The following TSPEAR variants were observed in gnomAD, a reference collection of about 807,000 sequenced individuals.
TSPEAR encodes the protein thrombospondin-type laminin G domain and EAR repeat-containing protein.
Under a neutral mutation model 71.6 loss-of-function variants are expected in TSPEAR, and 69 were observed. That is an observed-to-expected ratio of 0.96 (90% confidence interval 0.79 to 1.18). The LOEUF is 1.18. Ranked by LOEUF, TSPEAR falls within the 50% of genes most tolerant of loss-of-function variation. The pLI, the probability that TSPEAR is intolerant of heterozygous loss-of-function variation, is 0.00. For synonymous variants in TSPEAR, 402 were observed against 387.2 expected (o/e 1.04, Z -0.45); for missense variants, 971 against 894.9 (o/e 1.09, Z -1.09).
At chr21:44,628,605 T>C (rs1364243568) in intron 1 of TSPEAR, among the ~76,000 whole-genome samples, 1 of 151,684 alleles carries the variant, frequency 6.6e-6, no homozygotes, top group Non-Finnish European at 1.5e-5. Flanking sequence ...ACTGGCTGAG[T>C]CCCACAGACA....
In TSPEAR at chr21:44,506,058, C is replaced by T. The variant is rs115729327; in HGVS notation, c.1755-1177G>A. On this transcript the variant is annotated intron_variant, in intron 10 of 11. Transcript: ENST00000323084. This position sits in a 1 kb window ranked among gnomAD's most constrained non-coding sequence, Gnocchi z 4.2. ...TGTCTTCAGCTGTGAGGTCAGCGGC[C>T]GTGAGGTCACTCCAGGAGGTGCCTA... Among the ~76,000 whole-genome samples, 1,025 of 152,270 alleles carry T rather than the reference C, an allele frequency of 6.7e-3. 7 individuals carry two copies. The highest frequency in any genetic ancestry group is 0.023 in the African/African-American group (973 of 41,546).
intron 2 of TSPEAR, among the ~76,000 whole-genome samples, chr21:44,543,517 C>T (rs782277306): frequency 2.0e-5 from 3 of 152,144 alleles, no homozygotes; most frequent in African/African-American, 4.8e-5. Flanking sequence ...CACCCAGAAC[C>T]TCCCAATATG....
intron 8 of TSPEAR, among the ~76,000 whole-genome samples, chr21:44,522,733 C>T (rs1226775149): frequency 6.6e-6 from 1 of 152,274 alleles, no homozygotes; most frequent in Admixed American, 6.5e-5. Context: ...CTCACTGTCT[C>T]TGCTGGCACA....
chr21:44,653,379 C>T (rs1302027501), intron 1 of TSPEAR, among the ~76,000 whole-genome samples: 4 of 152,104 alleles, frequency 2.6e-5, no homozygotes, highest in African/African-American at 9.7e-5. Context: ...AAACCCGGGG[C>T]GGAGCCTCTG....
At chr21:44,627,044 A>G in intron 1 of TSPEAR, 1 of 1,418,700 alleles carries the variant, frequency 7.0e-7, no homozygotes, top group Non-Finnish European at 9.6e-7. Context: ...TGGGCCCTGG[A>G]ACAACAAGGC....
intron 2 of TSPEAR, chr21:44,551,410 A>G: frequency 6.2e-7 from 1 of 1,613,424 alleles, no homozygotes; most frequent in Non-Finnish European, 8.5e-7. Flanking sequence ...TCCACCTGCC[A>G]GGAGTTGGTG....
chr21:44,687,945 G>A lies in TSPEAR; in HGVS notation c.82+23488C>T, dbSNP rs1445019592. 6.6e-6 allele frequency among the ~76,000 whole-genome samples: 1 copy of A among 152,222 alleles called. No individual in the cohort carries two copies. Among genetic ancestry groups the A allele is most frequent in the Non-Finnish European group, 1.5e-5 (1 of 68,036 alleles). The stretch of plus-strand genomic sequence containing the variant: ...AAATATGATGCACTGACAGAGGCCG[G>A]CTCGGGGGTGAGTATCCGATCAAGC... On this transcript the variant is annotated intron_variant, in intron 1 of 11. Coordinates refer to ENST00000323084, the MANE Select transcript of TSPEAR (RefSeq NM_144991.3). The surrounding 1 kb of genome is among the most constrained non-coding windows in gnomAD (Gnocchi z 4.4).
At chr21:44,682,009 T>C in intron 1 of TSPEAR, 1 of 1,609,768 alleles carries the variant, frequency 6.2e-7, no homozygotes, top group Non-Finnish European at 8.5e-7. Context: ...GGCTTGAAGC[T>C]CACGGGCACG....
At chr21:44,524,939 TCAG>T (rs2052819691) in intron 8 of TSPEAR, among the ~76,000 whole-genome samples, 1 of 140,558 alleles carries the variant, frequency 7.1e-6, no homozygotes, top group African/African-American at 3.2e-5. Context: ...ATTCAGGTAG[TCAG>T]TCAGTCAGTC....
chr21:44,567,713 C>T (rs903322234), intron 2 of TSPEAR, 72 bp downstream of exon 2: 12 of 1,336,878 alleles, frequency 9.0e-6, no homozygotes, highest in Non-Finnish European at 1.1e-5. Flanking sequence ...AACCTGTGCA[C>T]GCGTTGGTAC....
intron 2 of TSPEAR, chr21:44,558,095 A>C: frequency 3.1e-6 from 5 of 1,610,928 alleles, no homozygotes; most frequent in African/African-American, 2.7e-5. Flanking sequence ...AGCACGCGGA[A>C]GAGAGGCGGG....
intron 1 of TSPEAR, among the ~76,000 whole-genome samples, chr21:44,621,496 C>T (rs1555933493): frequency 6.6e-6 from 1 of 152,240 alleles, no homozygotes; most frequent in African/African-American, 2.4e-5. Flanking sequence ...CCTCATCAGG[C>T]TCCTTTCCTG....
intron 1 of TSPEAR, among the ~76,000 whole-genome samples, chr21:44,633,447 T>C (rs1364492571): frequency 1.3e-5 from 2 of 152,238 alleles, no homozygotes; most frequent in African/African-American, 2.4e-5. Context: ...ATTTATCCCA[T>C]AGTATTTTCT....
At chr21:44,508,006 TAGTA>T (rs1178952667) in intron 10 of TSPEAR, 2 of 152,184 alleles carry the variant, frequency 1.3e-5, no homozygotes, top group Non-Finnish European at 2.9e-5. Flanking sequence ...AGTAAGATAT[TAGTA>T]AGTTAACATT....
chr21:44,704,896 C>T (rs940420358), intron 1 of TSPEAR, among the ~76,000 whole-genome samples: 1 of 152,130 alleles, frequency 6.6e-6, no homozygotes, highest in Non-Finnish European at 1.5e-5. Context: ...AGTTTAACTA[C>T]AAAGGAGCCC....
At chr21:44,702,663 C>A in intron 1 of TSPEAR, 1 of 1,572,242 alleles carries the variant, frequency 6.4e-7, no homozygotes, top group Non-Finnish European at 8.7e-7. Context: ...GCATGCCCGT[C>A]CCCTCCTGTT....
rs565967784 is a variant in TSPEAR, at chr21:44,682,835, C to T, written c.82+28598G>A. Among the ~76,000 whole-genome samples, 34 of 152,298 alleles carry T rather than the reference C, an allele frequency of 2.2e-4. No individual in the cohort carries two copies. The Middle Eastern group carries it at 0.014, about 61-fold the overall frequency. Reference sequence around the variant, plus strand: ...ACTCTGCCGAGGAGGAAGGGGCCAGCGCTCAAGCAGCTGAAGCCCTGGAGT... The same window carrying T: ...ACTCTGCCGAGGAGGAAGGGGCCAGTGCTCAAGCAGCTGAAGCCCTGGAGT... On this transcript the variant is annotated intron_variant, in intron 1 of 11. Coordinates refer to ENST00000323084, the MANE Select transcript of TSPEAR (RefSeq NM_144991.3).
Position 44,627,135 on chromosome 21 carries a change from TTA to T in TSPEAR, c.83-59132_83-59131del, listed in dbSNP as rs782509888. ...CTCACTGACACACTCACACACTCAC[TTA>T]CACCTCCCCCAGCTCACCTCCTCCC... On this transcript the variant is annotated intron_variant, in intron 1 of 11. Transcript: ENST00000323084. 1.3e-3 allele frequency: 2,036 copies of T among 1,587,938 alleles called. 14 individuals carry two copies. In the African/African-American group the frequency reaches 0.024, roughly 19 times the overall value.
chr21:44,700,170 T>A (rs1451652863), intron 1 of TSPEAR, among the ~76,000 whole-genome samples: 1 of 152,148 alleles, frequency 6.6e-6, no homozygotes, highest in African/African-American at 2.4e-5. Flanking sequence ...CAAGAGAAGA[T>A]GCTGATTTTG....
Sources: gnomAD v4.1 joint callset for allele counts (sites outside exome capture counted in the v4.1 genomes callset) on GRCh38, gnomAD v4.1.1 for gene constraint, Gnocchi (gnomAD v3.1) non-coding constraint, MANE v1.5 for transcripts, NCBI Gene and HGNC (gene_info 2026-07-23, HGNC 2026-07-21) for gene names.